Variants in LAMA2 observed in about 807,000 individuals in gnomAD.
LAMA2 encodes the protein laminin subunit alpha-2.
In LAMA2, 269 loss-of-function variants were observed where a neutral mutation model predicts 364.8. That is an observed-to-expected ratio of 0.74 (90% confidence interval 0.67 to 0.82). The LOEUF is 0.82. Among genes scored for constraint, LAMA2 ranks in the 40% least tolerant of loss-of-function variants. The pLI, the probability that LAMA2 is intolerant of heterozygous loss-of-function variation, is 0.00. For synonymous variants in LAMA2, 1,379 were observed against 1,370.6 expected, an observed-to-expected ratio of 1.01 and a Z score of -0.14; for missense variants, 3,807 against 3,873.2, an observed-to-expected ratio of 0.98 and a Z score of 0.45.
chr6:129,433,051 A>G (rs531316606), intron 41 of LAMA2, among the ~76,000 whole-genome samples: 2 of 152,314 alleles, frequency 1.3e-5, no homozygotes, highest in Middle Eastern at 3.4e-3. Flanking sequence ...TCACTCTAGT[A>G]TGTATGTCTG....
intron 56 of LAMA2, among the ~76,000 whole-genome samples, chr6:129,489,568 G>T (rs2571594): frequency 0.66 from 100,530 of 151,940 alleles, 33,724 homozygotes; most frequent in Middle Eastern, 0.72. Context: ...ACTGAACTGA[G>T]TTTTTCTTCT....
At chr6:129,463,282 T>C (rs1255087525) in intron 49 of LAMA2, among the ~76,000 whole-genome samples, 8 of 152,056 alleles carry the variant, frequency 5.3e-5, no homozygotes, top group Non-Finnish European at 1.2e-4. Context: ...TTTTAGTAAA[T>C]GCATTCAGAA....
At chr6:129,380,186 G>A (rs1273217410) in intron 34 of LAMA2, among the ~76,000 whole-genome samples, 2 of 152,184 alleles carry the variant, frequency 1.3e-5, no homozygotes, top group Non-Finnish European at 2.9e-5. Flanking sequence ...AGAAGATGGA[G>A]TTGGAATTGA....
chr6:129,417,168 C>G (rs183476134), intron 40 of LAMA2, among the ~76,000 whole-genome samples: 10 of 151,942 alleles, frequency 6.6e-5, no homozygotes, highest in Non-Finnish European at 1.3e-4. Context: ...CCACCATTTG[C>G]GGGGGGGTCC....
intron 12 of LAMA2, among the ~76,000 whole-genome samples, chr6:129,227,428 TTC>T (rs1213703990): frequency 1.3e-5 from 2 of 152,230 alleles, no homozygotes; most frequent in East Asian, 3.9e-4. Flanking sequence ...AGTTTTCAGC[TTC>T]TCTGCTCTGT....
intron 12 of LAMA2, among the ~76,000 whole-genome samples, chr6:129,241,543 G>A (rs145819277): frequency 2.0e-5 from 3 of 152,176 alleles, no homozygotes; most frequent in East Asian, 1.9e-4. Flanking sequence ...GGTGTGATTC[G>A]TCTCATTTTA....
At chr6:129,056,107 TTGTA>T (rs1395642451) in intron 2 of LAMA2, among the ~76,000 whole-genome samples, 4 of 152,160 alleles carry the variant, frequency 2.6e-5, no homozygotes, top group Non-Finnish European at 5.9e-5. Context: ...AGAAATGGGG[TTGTA>T]TGTGTGTGTT....
chr6:129,483,736 T>C (rs1784465098), intron 55 of LAMA2, among the ~76,000 whole-genome samples: 1 of 152,192 alleles, frequency 6.6e-6, no homozygotes, highest in Non-Finnish European at 1.5e-5. Context: ...AAGTTTTGTA[T>C]TGTGGAGCTA....
At chr6:129,048,811 C>G (rs1289753632) in intron 1 of LAMA2, among the ~76,000 whole-genome samples, 1 of 151,834 alleles carries the variant, frequency 6.6e-6, no homozygotes, top group African/African-American at 2.4e-5. Flanking sequence ...GACAGGGTTT[C>G]ACCATGTTGG....
At chr6:129,494,480 C>G (rs1583882718) in intron 58 of LAMA2, among the ~76,000 whole-genome samples, 1 of 152,294 alleles carries the variant, frequency 6.6e-6, no homozygotes, top group East Asian at 1.9e-4. Context: ...AAAGCATACC[C>G]ACATAGACAC....
Position 129,260,940 on chromosome 6 carries a change from C to T in LAMA2, c.2208+118C>T, listed in dbSNP as rs140363941. On this transcript the variant is annotated intron_variant, in intron 15 of 64. Transcript: ENST00000421865. ...CAATAATTACACAAATAATGTGTAT[C>T]ACTTAAAAACAAAACTTGAATATCT... The T allele has an allele frequency of 2.6e-4, 182 of 700,698 alleles. No homozygotes were observed. In the East Asian group the frequency reaches 4.7e-3, roughly 18 times the overall value. The allele number at this position is 700,698 out of a possible 1,614,324, so 43.4% of individuals were successfully genotyped here.
intron 53 of LAMA2, among the ~76,000 whole-genome samples, chr6:129,477,506 A>G (rs1013464153): frequency 2.0e-5 from 3 of 152,168 alleles, no homozygotes; most frequent in Non-Finnish European, 4.4e-5. Context: ...TTTCACATAT[A>G]AGAACACTGA....
chr6:129,154,897 C>T (rs1325750532), intron 8 of LAMA2, among the ~76,000 whole-genome samples: 1 of 152,134 alleles, frequency 6.6e-6, no homozygotes, highest in African/African-American at 2.4e-5. Flanking sequence ...TATCATGGCT[C>T]CTTCCAGTCA....
intron 43 of LAMA2, 133 bp from the exon 44 acceptor site, chr6:129,442,930 G>A: frequency 1.6e-6 from 1 of 620,704 alleles, no homozygotes; most frequent in Non-Finnish European, 2.8e-6. Context: ...CAGTTAAAAT[G>A]GGGTGCATTT....
intron 1 of LAMA2, among the ~76,000 whole-genome samples, chr6:128,910,895 C>A (rs1777879336): frequency 6.6e-6 from 1 of 151,436 alleles, no homozygotes; most frequent in African/African-American, 2.4e-5. Flanking sequence ...AGTACCCTGC[C>A]ATGTGAGGTG....
intron 37 of LAMA2, among the ~76,000 whole-genome samples, chr6:129,398,449 T>C (rs1015819693): frequency 1.3e-5 from 2 of 151,348 alleles, no homozygotes. Flanking sequence ...GGACTTCATT[T>C]TCTTTTTTCT....
chr6:129,297,748 T>C lies in LAMA2; in HGVS notation c.2920T>C (p.Ser974Pro). The C allele has an allele frequency of 6.2e-7, 1 of 1,614,108 alleles. No homozygotes were observed. The highest frequency in any genetic ancestry group is 8.5e-7 in the Non-Finnish European group (1 of 1,179,982). ...TCCCTGCAACTGCAATTCTTTTGGG[T>C]CTAAGTCATTCGACTGTGAAGAGAG... ...CVPCNCNSFG[S>P]KSFDCEESGQ... Residue 974 changes from serine (S) to proline (P), a missense_variant, in exon 21 of 65, where the codon TCT becomes CCT. By Grantham distance (74) the Ser-to-Pro change is moderately conservative. Transcript: ENST00000421865.
At chr6:128,917,579 C>T (rs1032979716) in intron 1 of LAMA2, among the ~76,000 whole-genome samples, 19 of 151,964 alleles carry the variant, frequency 1.3e-4, no homozygotes, top group Non-Finnish European at 4.4e-5. Flanking sequence ...AGTTCTTCCC[C>T]ATGGAATTTT....
intron 9 of LAMA2, among the ~76,000 whole-genome samples, chr6:129,176,571 C>T (rs1388981286): frequency 6.6e-6 from 1 of 152,002 alleles, no homozygotes; most frequent in Non-Finnish European, 1.5e-5. Context: ...TTGTTGTCCA[C>T]ATATTTTTGT....
Sources: gnomAD v4.1 joint callset for allele counts (sites outside exome capture counted in the v4.1 genomes callset) on GRCh38, gnomAD v4.1.1 for gene constraint, MANE v1.5 for transcripts, NCBI Gene and HGNC (gene_info 2026-07-23, HGNC 2026-07-21) for gene names.